SLMAP: variants seen among roughly 807,000 people sequenced by gnomAD.
The protein encoded by SLMAP is sarcolemma associated protein.
Under a neutral mutation model 128.8 loss-of-function variants are expected in SLMAP, and 44 were observed. That is an observed-to-expected ratio of 0.34 (90% CI 0.27 to 0.44). The LOEUF is 0.44. Ranked by LOEUF, SLMAP falls within the 20% of genes least tolerant of loss-of-function variation. The probability of loss-of-function intolerance (pLI) is 1.00; values close to 1 mark genes in which losing one functional copy is unlikely to be tolerated. For missense variants in SLMAP, 787 were observed against 985.3 expected, an observed-to-expected ratio of 0.80 and a Z score of 2.69; for synonymous variants, 327 against 348.8, an observed-to-expected ratio of 0.94 and a Z score of 0.70.
chr3:57,784,551 G>A (rs1434292490), intron 2 of SLMAP, among the ~76,000 whole-genome samples: 1 of 152,100 alleles, frequency 6.6e-6, no homozygotes, highest in Non-Finnish European at 1.5e-5. Context: ...ACACTTGGAG[G>A]GAATATACTT....
intron 2 of SLMAP, among the ~76,000 whole-genome samples, chr3:57,795,763 C>A (rs1183242663): frequency 6.6e-6 from 1 of 151,832 alleles, no homozygotes; most frequent in Non-Finnish European, 1.5e-5. Flanking sequence ...TAACTATAAC[C>A]TCCATTTCCA....
intron 3 of SLMAP, among the ~76,000 whole-genome samples, chr3:57,838,852 A>G (rs1241949575): frequency 6.6e-6 from 1 of 152,192 alleles, no homozygotes; most frequent in Non-Finnish European, 1.5e-5. Flanking sequence ...GTAGCAGGAT[A>G]GAGGATGAGG....
intron 2 of SLMAP, among the ~76,000 whole-genome samples, chr3:57,802,234 A>G (rs911053181): frequency 6.6e-6 from 1 of 151,644 alleles, no homozygotes; most frequent in African/African-American, 2.4e-5. Flanking sequence ...AGTTAATTCT[A>G]TATCCCAGCC....
At chr3:57,851,058 T>G (rs777552041) in intron 6 of SLMAP, among the ~76,000 whole-genome samples, 31 of 152,242 alleles carry the variant, frequency 2.0e-4, no homozygotes, top group Admixed American at 7.8e-4. Flanking sequence ...ACCTATATTA[T>G]TTAATTCTCA....
intron 13 of SLMAP, 65 bp from the exon 14 acceptor site, chr3:57,871,571 C>T: frequency 1.6e-6 from 2 of 1,246,124 alleles, no homozygotes; most frequent in East Asian, 2.3e-5. Flanking sequence ...GTTTTCCTAC[C>T]TTTGCTGTTG....
intron 17 of SLMAP, chr3:57,900,858 T>G (rs1354775428): frequency 6.6e-6 from 1 of 152,040 alleles, no homozygotes; most frequent in Non-Finnish European, 1.5e-5. Context: ...TCAAGGCAAA[T>G]TAGTGATAGT....
intron 2 of SLMAP, among the ~76,000 whole-genome samples, chr3:57,764,058 A>T (rs1043672402): frequency 6.6e-6 from 1 of 152,136 alleles, no homozygotes; most frequent in African/African-American, 2.4e-5. Context: ...ACTATCTTGT[A>T]TAAAGTAGTT....
At chr3:57,907,482 T>C (rs1238444092) in intron 17 of SLMAP, among the ~76,000 whole-genome samples, 7 of 152,202 alleles carry the variant, frequency 4.6e-5, no homozygotes, top group Non-Finnish European at 1.0e-4. Context: ...GTTTTCCATA[T>C]CCAGTTAAGT....
chr3:57,786,358 T>C (rs2084098607), intron 2 of SLMAP, among the ~76,000 whole-genome samples: 2 of 152,112 alleles, frequency 1.3e-5, no homozygotes, highest in Non-Finnish European at 2.9e-5. Flanking sequence ...CATGGAATTA[T>C]AGTTAAAAAA....
chr3:57,764,110 G>T (rs945781682), intron 2 of SLMAP, among the ~76,000 whole-genome samples: 1 of 152,194 alleles, frequency 6.6e-6, no homozygotes, highest in Non-Finnish European at 1.5e-5. Context: ...GTGCCAGGTT[G>T]TGAAGTGCCT....
At position 57,876,685 on chromosome 3, in the gene SLMAP, A is replaced by G. The variant is rs147757007; in HGVS notation, c.1300+4987A>G. Among the ~76,000 whole-genome samples the G allele has an allele frequency of 3.2e-3, 483 of 152,330 alleles. 2 individuals are homozygous for G. The highest frequency in any genetic ancestry group is 0.011 in the African/African-American group (457 of 41,574). The stretch of plus-strand genomic sequence containing the variant: ...TGAAACTTTTTGTGTTCTGCTAAAG[A>G]TGTTTTCCAAATTAAGAAATAATGT... On this transcript the variant is annotated intron_variant, in intron 14 of 24. Transcript: ENST00000671191.
At chr3:57,778,941 C>T (rs1371562050) in intron 2 of SLMAP, among the ~76,000 whole-genome samples, 1 of 152,068 alleles carries the variant, frequency 6.6e-6, no homozygotes, top group Non-Finnish European at 1.5e-5. Flanking sequence ...AGTTCTTCTC[C>T]TAGGTATATA....
At chr3:57,783,828 G>T (rs769708899) in intron 2 of SLMAP, among the ~76,000 whole-genome samples, 4 of 152,186 alleles carry the variant, frequency 2.6e-5, no homozygotes, top group Non-Finnish European at 4.4e-5. Context: ...ACAATTTTGA[G>T]TCAGGGCCAG....
chr3:57,764,796 A>G (rs530937067), intron 2 of SLMAP, among the ~76,000 whole-genome samples: 116 of 152,376 alleles, frequency 7.6e-4, no homozygotes, highest in African/African-American at 2.8e-3. Context: ...ACTCAAGCTC[A>G]TAACCACTGT....
At chr3:57,880,300 C>T (rs542025314) in intron 14 of SLMAP, among the ~76,000 whole-genome samples, 13 of 152,098 alleles carry the variant, frequency 8.5e-5, no homozygotes, top group Middle Eastern at 3.4e-3. Flanking sequence ...CTCCCGGGTT[C>T]AAGTGATTCT....
At chr3:57,836,450 C>T (rs916232797) in intron 3 of SLMAP, among the ~76,000 whole-genome samples, 15 of 152,078 alleles carry the variant, frequency 9.9e-5, no homozygotes, top group Admixed American at 3.9e-4. Flanking sequence ...CTGAACATAT[C>T]GGTTCATATT....
chr3:57,792,456 A>G (rs2085694047), intron 2 of SLMAP, among the ~76,000 whole-genome samples: 1 of 151,828 alleles, frequency 6.6e-6, no homozygotes, highest in Admixed American at 6.6e-5. Context: ...TTCTGTGTTT[A>G]TCGTTCTTAG....
At position 57,756,749 on chromosome 3, in the gene SLMAP, G is replaced by T. The variant is rs1229552670; in HGVS notation, c.-903G>T. On this transcript the variant is annotated 5_prime_UTR_variant, in exon 2 of 25. Coordinates refer to ENST00000671191, the MANE Select transcript of SLMAP (RefSeq NM_001377540.1). Reference sequence around the variant, plus strand: ...ACCCTCGCGGGGGCGACCCTGAGGGGAGGCGGCCCATGTGCTGAGCGGCGG... The same window carrying T: ...ACCCTCGCGGGGGCGACCCTGAGGGTAGGCGGCCCATGTGCTGAGCGGCGG... The T allele has an allele frequency of 1.3e-5, 2 of 152,338 alleles. No individual in the cohort carries two copies. The highest frequency in any genetic ancestry group is 4.1e-4 in the South Asian group (2 of 4,836). The allele number at this position is 152,338 out of a possible 1,614,324, so 9.4% of individuals were successfully genotyped here. A position where few individuals can be genotyped will look rare whatever the true frequency, so the allele number is the denominator to read the frequency against.
chr3:57,885,817 T>G (rs2095871150), intron 14 of SLMAP, among the ~76,000 whole-genome samples: 1 of 129,870 alleles, frequency 7.7e-6, no homozygotes, highest in Non-Finnish European at 1.6e-5. Context: ...AGAGTCTTGC[T>G]CTGTCGCCCA....
Sources: gnomAD v4.1 joint callset for allele counts (sites outside exome capture counted in the v4.1 genomes callset) on GRCh38, gnomAD v4.1.1 for gene constraint, MANE v1.5 for transcripts, NCBI Gene and HGNC (gene_info 2026-07-23, HGNC 2026-07-21) for gene names.